The following NT5E variants were observed in gnomAD, a reference collection of about 807,000 sequenced individuals.
The protein encoded by NT5E is 5'-nucleotidase.
NT5E carries 53 observed loss-of-function variants against 55.1 expected under a neutral mutation model. The observed-to-expected ratio is 0.96, with a 90% confidence interval of 0.77 to 1.21. The LOEUF (loss-of-function observed/expected upper bound fraction) is 1.21, where lower values mean the gene tolerates loss of function less well. NT5E is among the 50% of genes most tolerant of loss of function. The probability of loss-of-function intolerance (pLI) is 0.00; values close to 1 mark genes in which losing one functional copy is unlikely to be tolerated. For missense variants in NT5E, 683 were observed against 724.3 expected (o/e 0.94, Z 0.65); for synonymous variants, 270 against 278.4 (o/e 0.97, Z 0.30).
At chr6:85,484,183 G>A (rs1490775746) in intron 3 of NT5E, among the ~76,000 whole-genome samples, 5 of 152,140 alleles carry the variant, frequency 3.3e-5, no homozygotes, top group African/African-American at 7.2e-5. Context: ...TAATAGGAAC[G>A]ACTAGCCATG....
intron 4 of NT5E, among the ~76,000 whole-genome samples, chr6:85,485,790 C>T (rs552112621): frequency 6.6e-6 from 1 of 152,320 alleles, no homozygotes; most frequent in Non-Finnish European, 1.5e-5. Context: ...CCTGGCCCCC[C>T]AACTAGAGGC....
rs368444901 is a variant in NT5E at position 85,477,337 on chromosome 6, G to GT, written c.751+5922dup. Among the ~76,000 whole-genome samples, 848 of 149,386 alleles carry GT rather than the reference G, an allele frequency of 5.7e-3. 5 individuals carry two copies. The highest frequency in any genetic ancestry group is 0.019 in the African/African-American group (768 of 40,752). On this transcript the variant is annotated intron_variant, in intron 3 of 8. Transcript: ENST00000257770. ...TAAGATTTCTTTATTTGATTGATCAGTTTTTTTTTTAATTAAGTATCTAAT... is the reference window on the plus strand; with the variant it reads ...TAAGATTTCTTTATTTGATTGATCAGTTTTTTTTTTTAATTAAGTATCTAAT...
intron 1 of NT5E, among the ~76,000 whole-genome samples, chr6:85,452,971 A>G (rs753078013): frequency 1.3e-5 from 2 of 152,142 alleles, no homozygotes; most frequent in Non-Finnish European, 2.9e-5. Context: ...ACAAAGAGGA[A>G]TTTCCTAGAA....
chr6:85,458,983 G>T (rs1769041959), intron 1 of NT5E, among the ~76,000 whole-genome samples: 1 of 152,174 alleles, frequency 6.6e-6, no homozygotes, highest in African/African-American at 2.4e-5. Context: ...CAGGACTGCA[G>T]GGATGGAAGC....
At chr6:85,470,722 G>A (rs1054755972) in intron 2 of NT5E, among the ~76,000 whole-genome samples, 2 of 152,200 alleles carry the variant, frequency 1.3e-5, no homozygotes, top group Non-Finnish European at 2.9e-5. Context: ...GATTACAAGC[G>A]TGAGCCACTG....
At chr6:85,489,905 T>A (rs183099922) in intron 6 of NT5E, among the ~76,000 whole-genome samples, 4 of 152,284 alleles carry the variant, frequency 2.6e-5, no homozygotes, top group Admixed American at 1.3e-4. Flanking sequence ...TGTTTCTGAT[T>A]TATGCAAAAT....
At chr6:85,490,722 C>T in intron 7 of NT5E, 65 bp downstream of exon 7, 3 of 1,584,914 alleles carry the variant, frequency 1.9e-6, no homozygotes, top group Admixed American at 1.7e-5. Context: ...CTGGTTGGCT[C>T]AGCTTCCCCT....
chr6:85,469,624 C>A (rs547114808), intron 2 of NT5E, among the ~76,000 whole-genome samples: 94 of 152,276 alleles, frequency 6.2e-4, no homozygotes, highest in African/African-American at 2.3e-3. Flanking sequence ...CACTGAGGGT[C>A]AACGGGGAGC....
rs772581831 is a variant in NT5E at position 85,489,506 on chromosome 6, C to G, written c.1117C>G (p.Leu373Val). ...LICDAMINNN[L>V]RHTDEMFWNH... Reference sequence around the variant, plus strand: ...GCTACTGTTGCAGATTAACAACAACCTGAGACACACGGATGAAATGTTCTG... The same window carrying G: ...GCTACTGTTGCAGATTAACAACAACGTGAGACACACGGATGAAATGTTCTG... The change falls in exon 6 of 9, where the codon CTG becomes GTG. Residue 373 changes from leucine to valine, a missense_variant. Physicochemically the swap from Leu to Val is conservative, Grantham distance 32. Transcript: ENST00000257770. 6.2e-7 allele frequency: 1 copy of G among 1,612,626 alleles called. No homozygotes were observed. Among genetic ancestry groups the G allele is most frequent in the Non-Finnish European group, 8.5e-7 (1 of 1,178,836 alleles).
intron 3 of NT5E, among the ~76,000 whole-genome samples, chr6:85,483,525 C>G (rs1769589968): frequency 6.6e-6 from 1 of 152,244 alleles, no homozygotes; most frequent in Admixed American, 6.5e-5. Flanking sequence ...AAGGCTTTCA[C>G]TGGATCTCAA....
At chr6:85,466,952 C>A (rs1769207375) in intron 1 of NT5E, 108 bp from the exon 2 acceptor site, 2 of 1,090,868 alleles carry the variant, frequency 1.8e-6, no homozygotes, top group East Asian at 2.6e-5. Flanking sequence ...GAGGAGGACA[C>A]AAAATCATGC....
intron 8 of NT5E, among the ~76,000 whole-genome samples, chr6:85,492,977 G>A (rs1246257640): frequency 6.6e-6 from 1 of 152,120 alleles, no homozygotes; most frequent in Non-Finnish European, 1.5e-5. Context: ...GGCTTCTTCT[G>A]TCCCTTCCGT....
Position 85,450,861 on chromosome 6 carries a change from G to A in NT5E, c.339+383G>A, listed in dbSNP as rs113348508. On this transcript the variant is annotated intron_variant, in intron 1 of 8. Transcript: ENST00000257770. The surrounding 1 kb of genome is among the most constrained non-coding windows in gnomAD (Gnocchi z 4.0). ...TGCTTTATCTCAATCTAGATCTTTC[G>A]AAAAATGCTTTATCTCAATCTTATT... Among the ~76,000 whole-genome samples, 1,331 of 152,202 alleles carry A rather than the reference G, an allele frequency of 8.7e-3. 22 individuals carry two copies. Among genetic ancestry groups the A allele is most frequent in the African/African-American group, 0.031 (1,278 of 41,506 alleles).
chr6:85,492,059 G>A lies in NT5E; in HGVS notation c.1443G>A (p.Val481=), dbSNP rs1215693946. ...KLDVLCTKCR[V]PSYDPLKMDE... ...ATGTTCTTTGCACCAAGTGTCGAGT[G>A]CCCAGTTATGACCCTCTCAAAATGG... Residue 481 remains valine (V), a synonymous_variant, in exon 8 of 9, where the codon GTG becomes GTA. Coordinates refer to ENST00000257770, the MANE Select transcript of NT5E (RefSeq NM_002526.4). 1 of 1,614,202 alleles carries A rather than the reference G, an allele frequency of 6.2e-7. No individual in the cohort carries two copies. Among genetic ancestry groups the A allele is most frequent in the Non-Finnish European group, 8.5e-7 (1 of 1,180,016 alleles).
chr6:85,492,197 C>T lies in NT5E; in HGVS notation c.1561+20C>T. The T allele has an allele frequency of 1.2e-6, 2 of 1,611,584 alleles. No individual in the cohort carries two copies. Among genetic ancestry groups the T allele is most frequent in the Non-Finnish European group, 1.7e-6 (2 of 1,177,858 alleles). ...ACTCTGGTAAGCATGACTGTCTCTT[C>T]CTTTCTCTAAAGAACAACAAAATTG... On this transcript the variant is annotated intron_variant, in intron 8 of 8. Transcript: ENST00000257770.
At chr6:85,490,411 C>A (rs1240292904) in intron 6 of NT5E, 97 bp from the exon 7 acceptor site, 2 of 1,349,562 alleles carry the variant, frequency 1.5e-6, no homozygotes, top group Non-Finnish European at 2.1e-6. Context: ...TTCCCATGTC[C>A]CCCTCATTTC....
intron 3 of NT5E, among the ~76,000 whole-genome samples, chr6:85,479,745 T>C (rs1041841134): frequency 6.6e-6 from 1 of 151,106 alleles, no homozygotes; most frequent in African/African-American, 2.4e-5. Flanking sequence ...TGAAAATTAG[T>C]CTCTCTCTCT....
intron 2 of NT5E, 111 bp from the exon 3 acceptor site, chr6:85,471,126 C>A: frequency 1.5e-6 from 1 of 686,866 alleles, no homozygotes; most frequent in Non-Finnish European, 2.3e-6. Context: ...GTTTTACTGA[C>A]TCTTGAGCTT....
rs1769842828 is a variant in NT5E at position 85,494,075 on chromosome 6, G to A, written c.*71G>A. 2 of 1,498,068 alleles carry A rather than the reference G, an allele frequency of 1.3e-6. No homozygotes were observed. Among genetic ancestry groups the A allele is most frequent in the Non-Finnish European group, 1.8e-6 (2 of 1,081,298 alleles). The allele number at this position is 1,498,068 out of a possible 1,614,324, so 92.8% of individuals were successfully genotyped here. ...AGTGAGATTCAAATCTGCCTTTTAG[G>A]ACCTGGCTTTGTGACAGCAAAAACC... On this transcript the variant is annotated 3_prime_UTR_variant, in exon 9 of 9. Transcript: ENST00000257770.
Sources: allele counts gnomAD v4.1 joint callset (sites outside exome capture counted in the v4.1 genomes callset), GRCh38; gene constraint gnomAD v4.1.1; non-coding constraint Gnocchi (gnomAD v3.1); transcripts MANE v1.5; gene names NCBI Gene and HGNC (gene_info 2026-07-23, HGNC 2026-07-21).